Variants in IMMP2L observed in about 807,000 individuals in gnomAD.
The protein encoded by IMMP2L is mitochondrial inner membrane protease subunit 2.
In IMMP2L, 18 loss-of-function variants were observed where a neutral mutation model predicts 19.3. The ratio of observed to expected loss-of-function variants is 0.93; its 90% CI spans 0.64 to 1.38. The LOEUF (loss-of-function observed/expected upper bound fraction) is 1.38. Ranked by LOEUF, IMMP2L falls within the 40% of genes most tolerant of loss-of-function variation. The probability of loss-of-function intolerance (pLI) is 0.00; values close to 1 mark genes in which losing one functional copy is unlikely to be tolerated. For missense variants in IMMP2L, 233 were observed against 218.2 expected (o/e 1.07, Z -0.43); for synonymous variants, 76 against 73.0 (o/e 1.04, Z -0.21).
chr7:111,316,846 T>A (rs1422235906), intron 3 of IMMP2L, among the ~76,000 whole-genome samples: 1 of 44,462 alleles, frequency 2.2e-5, no homozygotes, highest in Admixed American at 3.3e-4. Context: ...TTTTTTTTTC[T>A]TTTTTTTTTT....
chr7:111,186,478 T>C (rs1238186924), intron 3 of IMMP2L, among the ~76,000 whole-genome samples: 1 of 152,114 alleles, frequency 6.6e-6, no homozygotes. Flanking sequence ...TGGAGTGCAA[T>C]GGCACGATCT....
intron 3 of IMMP2L, among the ~76,000 whole-genome samples, chr7:111,400,089 G>A (rs146535052): frequency 3.0e-4 from 46 of 152,126 alleles, no homozygotes; most frequent in African/African-American, 1.1e-3. Context: ...ACCTCTCAAC[G>A]TATCTGATCA....
At chr7:111,323,464 T>C (rs569782949) in intron 3 of IMMP2L, among the ~76,000 whole-genome samples, 1 of 152,066 alleles carries the variant, frequency 6.6e-6, no homozygotes, top group Non-Finnish European at 1.5e-5. Flanking sequence ...CCAGTTAGAA[T>C]GACAATCATT....
chr7:111,181,120 T>C (rs2129611041), intron 3 of IMMP2L, among the ~76,000 whole-genome samples: 1 of 152,148 alleles, frequency 6.6e-6, no homozygotes, highest in African/African-American at 2.4e-5. Flanking sequence ...CTGATGTTCT[T>C]ATTACTATAT....
chr7:111,541,895 T>C (rs1848533991), intron 1 of IMMP2L, among the ~76,000 whole-genome samples: 1 of 152,040 alleles, frequency 6.6e-6, no homozygotes, highest in African/African-American at 2.4e-5. Context: ...AAAAGAAAAG[T>C]GAAAATTTCA....
At chr7:111,113,036 T>C (rs1799429340) in intron 3 of IMMP2L, among the ~76,000 whole-genome samples, 4 of 152,312 alleles carry the variant, frequency 2.6e-5, no homozygotes, top group African/African-American at 9.6e-5. Flanking sequence ...ATGAGAACCA[T>C]ATTTTATTAT....
Position 111,436,158 on chromosome 7 carries a change from G to A in IMMP2L, c.239+51080C>T, listed in dbSNP as rs1024496278. 1.4e-4 allele frequency among the ~76,000 whole-genome samples: 21 copies of A among 151,734 alleles called. 1 individual carries two copies. The highest frequency in any genetic ancestry group is 4.2e-4 in the South Asian group (2 of 4,816). On this transcript the variant is annotated intron_variant, in intron 3 of 5. Transcript: ENST00000405709. ...CATATGTACTGGGCAGTCCAATGGC[G>A]GAGGCTGGACAGGAGAACCTGTCCA...
intron 5 of IMMP2L, among the ~76,000 whole-genome samples, chr7:110,752,118 C>T (rs1029332290): frequency 5.3e-5 from 8 of 151,838 alleles, no homozygotes; most frequent in Non-Finnish European, 1.0e-4. Context: ...GAATTTTAAC[C>T]CAGGCTTTTA....
chr7:111,436,985 G>A (rs995344809), intron 3 of IMMP2L, among the ~76,000 whole-genome samples: 6 of 151,680 alleles, frequency 4.0e-5, no homozygotes, highest in African/African-American at 7.3e-5. Flanking sequence ...CATGAGGAAC[G>A]CAATAAGCTT....
At chr7:111,389,592 A>G (rs895374756) in intron 3 of IMMP2L, among the ~76,000 whole-genome samples, 7 of 152,046 alleles carry the variant, frequency 4.6e-5, no homozygotes, top group African/African-American at 1.7e-4. Flanking sequence ...GGGAGGGCAG[A>G]TTGAGAGAGA....
intron 3 of IMMP2L, among the ~76,000 whole-genome samples, chr7:111,021,086 A>C (rs544978673): frequency 6.6e-6 from 1 of 152,344 alleles, no homozygotes; most frequent in African/African-American, 2.4e-5. Context: ...AAATTAGTAA[A>C]TAGTAACCAC....
chr7:110,977,110 A>C (rs1820773723), intron 3 of IMMP2L, among the ~76,000 whole-genome samples: 1 of 152,022 alleles, frequency 6.6e-6, no homozygotes, highest in African/African-American at 2.4e-5. Context: ...CTGTGGTGTT[A>C]GGGTACAGAA....
At chr7:111,078,416 AC>A in intron 3 of IMMP2L, among the ~76,000 whole-genome samples, 1 of 152,230 alleles carries the variant, frequency 6.6e-6, no homozygotes, top group Non-Finnish European at 1.5e-5. Context: ...GATTATTGCT[AC>A]TGCATTATCT....
chr7:110,849,064 A>C (rs768623676), intron 5 of IMMP2L, among the ~76,000 whole-genome samples: 13 of 152,136 alleles, frequency 8.5e-5, no homozygotes, highest in Admixed American at 2.0e-4. Flanking sequence ...TGTGAACTAT[A>C]GACTTTGGGT....
At chr7:111,095,537 T>C (rs1797312695) in intron 3 of IMMP2L, among the ~76,000 whole-genome samples, 1 of 152,020 alleles carries the variant, frequency 6.6e-6, no homozygotes, top group Admixed American at 6.6e-5. Flanking sequence ...ATTAAGTATA[T>C]AACACCCAAA....
At chr7:111,195,435 GA>G (rs139995209) in intron 3 of IMMP2L, among the ~76,000 whole-genome samples, 2,640 of 152,092 alleles carry the variant, frequency 0.017, 88 homozygotes, top group African/African-American at 0.06. Flanking sequence ...GAATAAAAAA[GA>G]GATAGACTGG....
chr7:110,713,160 T>A (rs1212132485), intron 5 of IMMP2L, among the ~76,000 whole-genome samples: 1 of 152,222 alleles, frequency 6.6e-6, no homozygotes, highest in Admixed American at 6.5e-5. Flanking sequence ...ATTTATTTAA[T>A]AGGGAGTCCT....
intron 3 of IMMP2L, among the ~76,000 whole-genome samples, chr7:111,431,922 C>T (rs1469227005): frequency 6.6e-6 from 1 of 150,950 alleles, no homozygotes; most frequent in African/African-American, 2.5e-5. Context: ...CCAAACTTTC[C>T]TCAGATTTAA....
intron 3 of IMMP2L, among the ~76,000 whole-genome samples, chr7:111,131,858 A>C (rs1268543461): frequency 6.6e-6 from 1 of 151,844 alleles, no homozygotes; most frequent in Non-Finnish European, 1.5e-5. Context: ...ACTGTAACAA[A>C]AATAATAACA....
Sources: gnomAD v4.1 joint callset for allele counts (sites outside exome capture counted in the v4.1 genomes callset) on GRCh38, gnomAD v4.1.1 for gene constraint, MANE v1.5 for transcripts, NCBI Gene and HGNC (gene_info 2026-07-23, HGNC 2026-07-21) for gene names.